The following URB2 variants were observed in gnomAD, a reference collection of about 807,000 sequenced individuals.
The protein encoded by URB2 is unhealthy ribosome biogenesis protein 2 homolog.
A neutral mutation model predicts 120.9 loss-of-function variants in URB2; 86 were observed. The observed-to-expected ratio is 0.71, with a 90% confidence interval of 0.60 to 0.85. The LOEUF is 0.85. Among genes scored for constraint, URB2 ranks in the 40% least tolerant of loss-of-function variants. The probability of loss-of-function intolerance (pLI) is 0.00; values close to 1 mark genes in which losing one functional copy is unlikely to be tolerated. For synonymous variants in URB2, 755 were observed against 758.4 expected, an observed-to-expected ratio of 1.00 and a Z score of 0.07; for missense variants, 1,765 against 1,836.5, an observed-to-expected ratio of 0.96 and a Z score of 0.71.
At chr1:229,653,870 T>C (rs891713904) in intron 8 of URB2, among the ~76,000 whole-genome samples, 3 of 152,136 alleles carry the variant, frequency 2.0e-5, no homozygotes, top group Non-Finnish European at 2.9e-5. Context: ...GGTAGATGAT[T>C]TTCTCCACTT....
chr1:229,627,667 C>CTTAAAA lies in URB2; in HGVS notation c.35_40dup (p.Lys13_Ser14insIleLys), dbSNP rs1407809025. ...TGTTTATTCTGGCATTTCCCTTAAG[C>CTTAAAA]TTAAAAGCAAGACAACTTCCTGGGA... On this transcript the variant is annotated inframe_insertion, in exon 2 of 10. Coordinates refer to ENST00000258243, the MANE Select transcript of URB2 (RefSeq NM_014777.4). 1 of 1,613,448 alleles carries CTTAAAA rather than the reference C, an allele frequency of 6.2e-7. No homozygotes were observed. The highest frequency in any genetic ancestry group is 8.5e-7 in the Non-Finnish European group (1 of 1,179,770).
chr1:229,638,099 G>C lies in URB2; in HGVS notation c.3486G>C (p.Leu1162=). 1.2e-6 allele frequency: 2 copies of C among 1,614,246 alleles called. No individual in the cohort carries two copies. The highest frequency in any genetic ancestry group is 1.7e-6 in the Non-Finnish European group (2 of 1,180,052). The change falls in exon 4 of 10, where the codon CTG becomes CTC. Residue 1162 remains leucine, a synonymous_variant. Coordinates refer to ENST00000258243, the MANE Select transcript of URB2 (RefSeq NM_014777.4). ...ACCAGGGTGTTTACTCTCAGATACTGTTGGAGTTGCCAGCTCTCGCGGGAC... is the reference window on the plus strand; with the variant it reads ...ACCAGGGTGTTTACTCTCAGATACTCTTGGAGTTGCCAGCTCTCGCGGGAC... The part of the protein sequence containing the change: ...ALYQGVYSQI[L]LELPALAGHD...
chr1:229,644,820 G>T (rs1242517852), intron 5 of URB2, among the ~76,000 whole-genome samples: 3 of 152,184 alleles, frequency 2.0e-5, no homozygotes, highest in Non-Finnish European at 2.9e-5. Context: ...AATGTGAAAT[G>T]CCTGGCACTG....
intron 3 of URB2, 51 bp from the exon 4 acceptor site, chr1:229,634,866 A>G (rs1434136227): frequency 2.8e-6 from 4 of 1,434,728 alleles, no homozygotes; most frequent in Non-Finnish European, 2.8e-6. Flanking sequence ...TTTCTTGTGT[A>G]TGTATGGGTT....
At position 229,637,928 on chromosome 1, in the gene URB2, G is replaced by A. The variant is rs762912459; in HGVS notation, c.3315G>A (p.Pro1105=). The A allele has an allele frequency of 6.2e-6, 10 of 1,611,264 alleles. No homozygotes were observed. Among genetic ancestry groups the A allele is most frequent in the African/African-American group, 5.3e-5 (4 of 74,838 alleles). The part of the protein sequence containing the change: ...TGAVLQLCSV[P]GARGWRLPSV... ...CTGTGCTGCAGCTCTGCTCAGTGCC[G>A]GGGGCCCGGGGCTGGCGCCTTCCCT... The change falls in exon 4 of 10, where the codon CCG becomes CCA. Residue 1105 remains proline (P), a synonymous_variant. Transcript: ENST00000258243.
chr1:229,646,360 T>C (rs1273021414), intron 6 of URB2, among the ~76,000 whole-genome samples: 2 of 152,220 alleles, frequency 1.3e-5, no homozygotes, highest in African/African-American at 4.8e-5. Flanking sequence ...CTATTTGCAG[T>C]TGCAAATGTA....
Position 229,637,940 on chromosome 1 carries a change from C to G in URB2, c.3327C>G (p.Gly1109=), listed in dbSNP as rs779602331. Residue 1109 remains glycine (G), a synonymous_variant, in exon 4 of 10, where the codon GGC becomes GGG. Transcript: ENST00000258243. The part of the protein sequence containing the change: ...LQLCSVPGAR[G]WRLPSVLISS... Reference sequence around the variant, plus strand: ...TCTGCTCAGTGCCGGGGGCCCGGGGCTGGCGCCTTCCCTCGGTCCTCATCT... The same window carrying G: ...TCTGCTCAGTGCCGGGGGCCCGGGGGTGGCGCCTTCCCTCGGTCCTCATCT... 8.7e-6 allele frequency: 14 copies of G among 1,612,950 alleles called. No homozygotes were observed. In the Admixed American group the frequency reaches 1.5e-4, roughly 17 times the overall value.
At chr1:229,641,866 C>A (rs1386809561) in intron 4 of URB2, among the ~76,000 whole-genome samples, 1 of 151,950 alleles carries the variant, frequency 6.6e-6, no homozygotes, top group Non-Finnish European at 1.5e-5. Context: ...TACAAAAAGC[C>A]GGTGTGGGTA....
chr1:229,649,975 G>C (rs1318430993), intron 7 of URB2, among the ~76,000 whole-genome samples: 1 of 152,154 alleles, frequency 6.6e-6, no homozygotes, highest in Non-Finnish European at 1.5e-5. Flanking sequence ...ATTAAGAGAG[G>C]GTCCTTGGGG....
chr1:229,632,550 C>T (rs1473719), intron 3 of URB2, 105 bp downstream of exon 3: 510,369 of 966,212 alleles, frequency 0.53, 137,337 homozygotes, highest in East Asian at 0.81. Flanking sequence ...ATAGGAAATA[C>T]TAAGGTAGGA....
intron 7 of URB2, chr1:229,651,034 G>A (rs555743534): frequency 1.8e-4 from 64 of 351,892 alleles, no homozygotes; most frequent in Middle Eastern, 8.3e-4. Context: ...TAAAACAAGG[G>A]TCAAAGAGTC....
chr1:229,644,620 G>A (rs1358264490), intron 5 of URB2, among the ~76,000 whole-genome samples: 3 of 152,196 alleles, frequency 2.0e-5, no homozygotes, highest in Admixed American at 1.3e-4. Flanking sequence ...GGCCCTGGTG[G>A]GGAGATAGCC....
At chr1:229,644,275 G>C (rs1449340329) in intron 5 of URB2, among the ~76,000 whole-genome samples, 3 of 152,250 alleles carry the variant, frequency 2.0e-5, no homozygotes, top group Non-Finnish European at 4.4e-5. Flanking sequence ...CCAATGGTTG[G>C]TGGGGCAGAG....
At chr1:229,633,234 G>A (rs1665715436) in intron 3 of URB2, among the ~76,000 whole-genome samples, 1 of 152,184 alleles carries the variant, frequency 6.6e-6, no homozygotes, top group African/African-American at 2.4e-5. Context: ...GGCGCATAGG[G>A]CTTAATGGTT....
chr1:229,652,940 A>C (rs1382638922), intron 8 of URB2, among the ~76,000 whole-genome samples: 1 of 152,234 alleles, frequency 6.6e-6, no homozygotes, highest in Non-Finnish European at 1.5e-5. Flanking sequence ...TCTCAGACAC[A>C]TTCATGGCTT....
Position 229,643,520 on chromosome 1 carries a change from C to A in URB2, c.3635-13C>A. 1 of 1,613,826 alleles carries A rather than the reference C, an allele frequency of 6.2e-7. No homozygotes were observed. Among genetic ancestry groups the A allele is most frequent in the Non-Finnish European group, 8.5e-7 (1 of 1,179,964 alleles). On this transcript the variant is annotated splice_polypyrimidine_tract_variant and intron_variant, in intron 4 of 9. Coordinates refer to ENST00000258243, the MANE Select transcript of URB2 (RefSeq NM_014777.4). ...TGTCACATCTTAACAATTTTGGTTT[C>A]TTTCCCACACAGATCCTGAAATTCC... is the stretch of plus-strand genomic sequence containing the variant.
chr1:229,655,309 C>T (rs1666380114), intron 9 of URB2, among the ~76,000 whole-genome samples: 1 of 152,194 alleles, frequency 6.6e-6, no homozygotes, highest in African/African-American at 2.4e-5. Context: ...TCTCAGCTCA[C>T]TGCAACCTCT....
At position 229,638,093 on chromosome 1, in the gene URB2, GAT is replaced by G. The variant is rs1665900828; in HGVS notation, c.3482_3483del (p.Ile1161ThrfsTer11). On this transcript the variant is annotated frameshift_variant, in exon 4 of 10. Coordinates refer to ENST00000258243, the MANE Select transcript of URB2 (RefSeq NM_014777.4). LOFTEE classifies it high-confidence loss of function. ...VALYQGVYSQILLELPALAGH... is the reference protein window; with the variant it reads ...VALYQGVYSQXLLELPALAGH... ...CCCTCTACCAGGGTGTTTACTCTCA[GAT>G]ACTGTTGGAGTTGCCAGCTCTCGCG... The G allele has an allele frequency of 3.7e-6, 6 of 1,614,258 alleles. No individual in the cohort carries two copies. Among genetic ancestry groups the G allele is most frequent in the Non-Finnish European group, 5.1e-6 (6 of 1,180,050 alleles).
chr1:229,655,633 T>C (rs1345794082), intron 9 of URB2, among the ~76,000 whole-genome samples: 1 of 152,230 alleles, frequency 6.6e-6, no homozygotes, highest in Non-Finnish European at 1.5e-5. Flanking sequence ...ACTTTGTAAA[T>C]CTATGCTGTA....
Sources: gnomAD v4.1 joint callset for allele counts (sites outside exome capture counted in the v4.1 genomes callset) on GRCh38, gnomAD v4.1.1 for gene constraint, MANE v1.5 for transcripts, NCBI Gene and HGNC (gene_info 2026-07-23, HGNC 2026-07-21) for gene names.